Variants in RANBP17 observed in about 807,000 individuals in gnomAD.
The protein encoded by RANBP17 is ran-binding protein 17.
A neutral mutation model predicts 141.2 loss-of-function variants in RANBP17; 158 were observed. The ratio of observed to expected loss-of-function variants is 1.12; its 90% CI spans 0.98 to 1.28. RANBP17 has a LOEUF of 1.28. Among genes scored for constraint, RANBP17 ranks in the 50% most tolerant of loss-of-function variants. RANBP17 has a pLI of 0.00. For synonymous variants in RANBP17, 430 were observed against 450.0 expected, an observed-to-expected ratio of 0.96 and a Z score of 0.56; for missense variants, 1,438 against 1,290.7, an observed-to-expected ratio of 1.11 and a Z score of -1.75.
chr5:171,231,410 G>T (rs1764202659), intron 22 of RANBP17, among the ~76,000 whole-genome samples: 1 of 152,036 alleles, frequency 6.6e-6, no homozygotes, highest in African/African-American at 2.4e-5. Context: ...ATAGAATCTT[G>T]TGTACTGTTT....
chr5:171,283,629 T>TC (rs1243201774), intron 25 of RANBP17, among the ~76,000 whole-genome samples: 1 of 152,190 alleles, frequency 6.6e-6, no homozygotes, highest in Non-Finnish European at 1.5e-5. Context: ...AGAATAATTT[T>TC]CCCCCATATG....
At chr5:171,033,487 G>A (rs1210819808) in intron 14 of RANBP17, among the ~76,000 whole-genome samples, 1 of 152,100 alleles carries the variant, frequency 6.6e-6, no homozygotes, top group African/African-American at 2.4e-5. Flanking sequence ...GTCCTCTTTG[G>A]AAGAATATGT....
At chr5:171,077,125 G>A (rs1312502296) in intron 14 of RANBP17, among the ~76,000 whole-genome samples, 1 of 152,138 alleles carries the variant, frequency 6.6e-6, no homozygotes. Context: ...GGATCATGAG[G>A]TCAGAAGATA....
rs1440554721 is a variant in RANBP17 at position 170,878,097 on chromosome 5, A to T, written c.19A>T (p.Ser7Cys). MALHFQ[S>C]LAELEVLCTH... ...AATGTTAATTTTTTTTTCTTTGAAGAGTTTGGCTGAATTGGAAGTGTTATG... is the reference window on the plus strand; with the variant it reads ...AATGTTAATTTTTTTTTCTTTGAAGTGTTTGGCTGAATTGGAAGTGTTATG... The change falls in exon 2 of 28, where the codon AGT becomes TGT. Residue 7 changes from serine to cysteine, a missense_variant and splice_region_variant. Transcript: ENST00000523189. 2 of 1,542,050 alleles carry T rather than the reference A, an allele frequency of 1.3e-6. No homozygotes were observed. Among genetic ancestry groups the T allele is most frequent in the African/African-American group, 1.4e-5 (1 of 72,064 alleles).
intron 14 of RANBP17, among the ~76,000 whole-genome samples, chr5:171,164,035 A>G (rs191828017): frequency 3.9e-5 from 6 of 152,282 alleles, no homozygotes; most frequent in East Asian, 3.9e-4. Flanking sequence ...TTGAAAACCT[A>G]TAGAACCAGT....
chr5:170,984,638 CAAAA>C (rs1011869239), intron 14 of RANBP17, among the ~76,000 whole-genome samples: 2 of 149,274 alleles, frequency 1.3e-5, no homozygotes, highest in Admixed American at 6.7e-5. Context: ...AAAACAAAAA[CAAAA>C]AAAAAGTGTA....
chr5:171,007,512 C>G (rs1234826712), intron 14 of RANBP17, among the ~76,000 whole-genome samples: 1 of 151,910 alleles, frequency 6.6e-6, no homozygotes, highest in East Asian at 1.9e-4. Flanking sequence ...GGAAGATTCA[C>G]AAGACTCAGC....
chr5:171,166,078 GT>G (rs1359169706), intron 14 of RANBP17, among the ~76,000 whole-genome samples: 2 of 152,072 alleles, frequency 1.3e-5, no homozygotes, highest in Non-Finnish European at 2.9e-5. Flanking sequence ...ACATTATTGA[GT>G]AGTAGGCACG....
At chr5:170,862,157 T>C in intron 1 of RANBP17, 106 bp downstream of exon 1, 1 of 1,193,324 alleles carries the variant, frequency 8.4e-7, no homozygotes, top group Non-Finnish European at 1.1e-6. Context: ...CGCAGGGCCG[T>C]GGGCCGGTGT....
At chr5:171,123,826 C>T (rs1326645682) in intron 14 of RANBP17, among the ~76,000 whole-genome samples, 1 of 152,228 alleles carries the variant, frequency 6.6e-6, no homozygotes, top group East Asian at 1.9e-4. Context: ...CACATTACTG[C>T]ACCTCCCCAG....
In RANBP17 at chr5:171,171,248, T is replaced by G; in HGVS notation, c.1827T>G (p.Ile609Met). 3.1e-6 allele frequency: 5 copies of G among 1,599,330 alleles called. No individual in the cohort carries two copies. Among genetic ancestry groups the G allele is most frequent in the Middle Eastern group, 1.7e-4 (1 of 5,986 alleles). The change falls in exon 16 of 28, where the codon ATT (isoleucine) becomes ATG (methionine). Residue 609 changes from isoleucine (I) to methionine (M), a missense_variant. Ile to Met is a conservative substitution (Grantham distance 10). Coordinates refer to ENST00000523189, the MANE Select transcript of RANBP17 (RefSeq NM_022897.5). ...LKYWGRYEPV[I>M]SRTLQFLNDL... ...ACTGGGGAAGATATGAGCCTGTAATTTCAAGGACTCTTCAGTTCCTAAATG... is the reference window on the plus strand; with the variant it reads ...ACTGGGGAAGATATGAGCCTGTAATGTCAAGGACTCTTCAGTTCCTAAATG...
intron 5 of RANBP17, among the ~76,000 whole-genome samples, chr5:170,901,858 T>C (rs1383379782): frequency 1.3e-5 from 2 of 152,238 alleles, no homozygotes; most frequent in African/African-American, 2.4e-5. Flanking sequence ...CCCCACTCTC[T>C]TCTGGCTTGT....
chr5:171,242,590 A>G (rs929532991), intron 23 of RANBP17, 92 bp from the exon 24 acceptor site: 5 of 1,333,604 alleles, frequency 3.7e-6, no homozygotes, highest in Admixed American at 2.1e-5. Context: ...TAAGTTTACA[A>G]TTTCCAGTAT....
rs1764965496 is a variant in RANBP17, at chr5:171,242,718, C to G, written c.2674C>G (p.Leu892Val). 1 of 1,613,680 alleles carries G rather than the reference C, an allele frequency of 6.2e-7. No homozygotes were observed. The highest frequency in any genetic ancestry group is 8.5e-7 in the Non-Finnish European group (1 of 1,179,884). The change falls in exon 24 of 28, where the codon CTG (leucine) becomes GTG (valine). Residue 892 changes from leucine to valine, a missense_variant. Physicochemically the swap from Leu to Val is conservative, Grantham distance 32. Coordinates refer to ENST00000523189, the MANE Select transcript of RANBP17 (RefSeq NM_022897.5). ...ACTGAGCCAGTCTTATTATCCACTC[C>G]TGGAATGTCTCACTCAGGACCATAT... ...RKLSQSYYPL[L>V]ECLTQDHMSF...
intron 1 of RANBP17, among the ~76,000 whole-genome samples, chr5:170,872,760 T>A (rs1047411167): frequency 4.6e-5 from 7 of 152,116 alleles, no homozygotes; most frequent in African/African-American, 1.7e-4. Context: ...TGCATCATTC[T>A]ATTTTTCTGC....
chr5:171,264,425 G>A (rs1341930481), intron 24 of RANBP17, among the ~76,000 whole-genome samples: 1 of 152,090 alleles, frequency 6.6e-6, no homozygotes, highest in Non-Finnish European at 1.5e-5. Flanking sequence ...TTCAAAAAGA[G>A]TACAGATCCA....
At chr5:171,024,037 A>G (rs1307190874) in intron 14 of RANBP17, among the ~76,000 whole-genome samples, 1 of 152,200 alleles carries the variant, frequency 6.6e-6, no homozygotes, top group Non-Finnish European at 1.5e-5. Flanking sequence ...ATAAATATTC[A>G]TTGAATCCAC....
chr5:171,129,874 A>G (rs964327351), intron 14 of RANBP17, among the ~76,000 whole-genome samples: 2 of 152,168 alleles, frequency 1.3e-5, no homozygotes, highest in African/African-American at 4.8e-5. Context: ...CCCAGAAGTG[A>G]GTCCTGTTGT....
chr5:171,112,455 G>C (rs1755305104), intron 14 of RANBP17, among the ~76,000 whole-genome samples: 1 of 151,782 alleles, frequency 6.6e-6, no homozygotes, highest in Non-Finnish European at 1.5e-5. Flanking sequence ...TTGAAAGTAA[G>C]ATTATACCAT....
Sources: gnomAD v4.1 joint callset for allele counts (sites outside exome capture counted in the v4.1 genomes callset) on GRCh38, gnomAD v4.1.1 for gene constraint, MANE v1.5 for transcripts, NCBI Gene and HGNC (gene_info 2026-07-23, HGNC 2026-07-21) for gene names.